Variants in SEMA4D observed in about 807,000 individuals in gnomAD.
SEMA4D encodes semaphorin-4D.
In SEMA4D, 22 loss-of-function variants were observed where a neutral mutation model predicts 74.8. The ratio of observed to expected loss-of-function variants is 0.29; its 90% CI spans 0.21 to 0.42. The LOEUF (loss-of-function observed/expected upper bound fraction) is 0.42, where lower values mean the gene tolerates loss of function less well. SEMA4D is among the 10% of genes least tolerant of loss of function. SEMA4D has a pLI of 1.00. For synonymous variants in SEMA4D, 445 were observed against 463.7 expected (o/e 0.96, Z 0.52); for missense variants, 937 against 1,118.4 (o/e 0.84, Z 2.31).
chr9:89,478,551 T>C (rs928988263), intron 1 of SEMA4D, among the ~76,000 whole-genome samples: 3 of 152,184 alleles, frequency 2.0e-5, no homozygotes, highest in African/African-American at 7.2e-5. Flanking sequence ...TACCAGACAT[T>C]CATCCCTATG....
downstream of SEMA4D, among the ~76,000 whole-genome samples, chr9:89,374,162 A>AG (rs527612537): frequency 3.4e-3 from 518 of 152,292 alleles, 5 homozygotes; most frequent in African/African-American, 0.012. Flanking sequence ...CCACGTGAAA[A>AG]GGGGGTGGCG....
intron 1 of SEMA4D, among the ~76,000 whole-genome samples, chr9:89,463,428 C>G (rs1857825821): frequency 6.6e-6 from 1 of 152,212 alleles, no homozygotes; most frequent in African/African-American, 2.4e-5. Flanking sequence ...AGACAGGGGT[C>G]CATTCCCAGG....
intron 2 of SEMA4D, among the ~76,000 whole-genome samples, chr9:89,406,412 C>T (rs1002017271): frequency 5.3e-5 from 8 of 152,212 alleles, no homozygotes; most frequent in Admixed American, 2.6e-4. Context: ...AAAGAACAGG[C>T]TTAATGCTGC....
Position 89,379,114 on chromosome 9 carries a change from A to T in SEMA4D, c.2179T>A (p.Tyr727Asn). 1 of 1,614,176 alleles carries T rather than the reference A, an allele frequency of 6.2e-7. No homozygotes were observed. Among genetic ancestry groups the T allele is most frequent in the South Asian group, 1.1e-5 (1 of 91,066 alleles). The change falls in exon 16 of 16, where the codon TAT becomes AAT. Residue 727 changes from tyrosine to asparagine, a missense_variant. Transcript: ENST00000422704. Reference protein sequence around the residue: ...VPQLHSEKTMYLKSSDNRLLM... With the variant: ...VPQLHSEKTMNLKSSDNRLLM... ...AGGCGGTTGTCGCTGGACTTAAGAT[A>T]CATGGTTTTCTCCGAGTGGAGCTGG...
chr9:89,400,927 C>T (rs1312760121), intron 4 of SEMA4D, among the ~76,000 whole-genome samples: 1 of 152,206 alleles, frequency 6.6e-6, no homozygotes, highest in African/African-American at 2.4e-5. Context: ...CCCCCAAGAC[C>T]GAGTGTGAGC....
chr9:89,403,183 G>T (rs1842573000), intron 3 of SEMA4D, among the ~76,000 whole-genome samples, 167 bp from the exon 4 acceptor site: 1 of 152,212 alleles, frequency 6.6e-6, no homozygotes, highest in Non-Finnish European at 1.5e-5. Flanking sequence ...CTACAGTGGA[G>T]GTGGCCTCAG....
intron 2 of SEMA4D, among the ~76,000 whole-genome samples, chr9:89,417,360 A>G (rs1273593726): frequency 6.6e-6 from 1 of 152,246 alleles, no homozygotes; most frequent in Non-Finnish European, 1.5e-5. Flanking sequence ...TGCTAATTAA[A>G]GCCGCCCTAT....
At chr9:89,376,941 C>T, downstream of SEMA4D, 1 of 1,550,756 alleles carries the variant, frequency 6.4e-7, no homozygotes, top group Non-Finnish European at 8.7e-7. Context: ...TCGGGCCCCG[C>T]ACCCGAGGCT....
At position 89,378,853 on chromosome 9, in the gene SEMA4D, C is replaced by T. The variant is rs756135411; in HGVS notation, c.2440G>A (p.Gly814Ser). The T allele has an allele frequency of 1.6e-5, 26 of 1,614,070 alleles. No homozygotes were observed. In the South Asian group the frequency reaches 2.1e-4, roughly 13 times the overall value. ...ATGGTGTCTTGCTCGGTCTCATAGC[C>T]GGTGTCCAGGGCTGGCTTGGGGTGC... Reference protein sequence around the residue: ...GEHPKPALDTGYETEQDTITS... With the variant: ...GEHPKPALDTSYETEQDTITS... Residue 814 changes from glycine to serine, a missense_variant, in exon 16 of 16, where the codon GGC becomes AGC. Gly to Ser is a moderately conservative substitution (Grantham distance 56). Transcript: ENST00000422704.
intron 9 of SEMA4D, among the ~76,000 whole-genome samples, chr9:89,389,525 T>G (rs965324046): frequency 6.6e-6 from 1 of 152,236 alleles, no homozygotes; most frequent in Non-Finnish European, 1.5e-5. Flanking sequence ...TGTGTGAACC[T>G]TCCTCCCTTT....
chr9:89,409,658 G>A (rs1022696533), intron 2 of SEMA4D, among the ~76,000 whole-genome samples: 1 of 152,156 alleles, frequency 6.6e-6, no homozygotes, highest in Non-Finnish European at 1.5e-5. Flanking sequence ...AGGGTTCATG[G>A]CCTGGACACA....
intron 2 of SEMA4D, among the ~76,000 whole-genome samples, chr9:89,408,552 T>C (rs906672891): frequency 2.6e-5 from 4 of 152,242 alleles, no homozygotes; most frequent in Non-Finnish European, 5.9e-5. Flanking sequence ...ACAAACATCA[T>C]ACAGCCAGTG....
At chr9:89,406,608 G>A (rs1318449270) in intron 2 of SEMA4D, among the ~76,000 whole-genome samples, 1 of 152,234 alleles carries the variant, frequency 6.6e-6, no homozygotes, top group Non-Finnish European at 1.5e-5. Context: ...GGGGCCAGCT[G>A]CACCCCTGGG....
intron 3 of SEMA4D, 70 bp from the exon 4 acceptor site, chr9:89,403,086 C>T (rs1355755601): frequency 4.3e-5 from 66 of 1,542,266 alleles, no homozygotes; most frequent in Non-Finnish European, 5.7e-5. Flanking sequence ...TAAACCTGAG[C>T]ACATCCTAGG....
chr9:89,480,468 G>A (rs1824506252), intron 1 of SEMA4D, among the ~76,000 whole-genome samples: 5 of 152,270 alleles, frequency 3.3e-5, no homozygotes, highest in Admixed American at 3.3e-4. Flanking sequence ...TGGAGCAGGG[G>A]GTGGCTCTCG....
At chr9:89,414,574 G>A (rs1053302518) in intron 2 of SEMA4D, among the ~76,000 whole-genome samples, 1 of 152,210 alleles carries the variant, frequency 6.6e-6, no homozygotes, top group Non-Finnish European at 1.5e-5. Flanking sequence ...CCCACCTCCA[G>A]TTAGGATGCT....
At position 89,405,637 on chromosome 9, in the gene SEMA4D, G is replaced by A; in HGVS notation, c.-181C>T. On this transcript the variant is annotated 5_prime_UTR_variant, in exon 3 of 16. Transcript: ENST00000422704. ...TTCCCAGTTCTCCAGGTGAGGAGGG[G>A]TCGCTCTCACCACCGCAATGTCAAA... 7.0e-7 allele frequency: 1 copy of A among 1,431,700 alleles called. No individual in the cohort carries two copies. Among genetic ancestry groups the A allele is most frequent in the Non-Finnish European group, 9.1e-7 (1 of 1,096,760 alleles). 88.7% of individuals were successfully genotyped at this position (1,431,700 alleles called of 1,614,324 possible). A position where few individuals can be genotyped will look rare whatever the true frequency, so the allele number is the denominator to read the frequency against.
chr9:89,362,564 G>A (rs1442262474), intron 18 of SEMA4D: 21 of 1,488,086 alleles, frequency 1.4e-5, no homozygotes, highest in Admixed American at 1.7e-5. Flanking sequence ...CCCCTCCTTG[G>A]AGTCTAAAGA....
intron 1 of SEMA4D, among the ~76,000 whole-genome samples, chr9:89,481,675 C>T (rs1456056977): frequency 6.6e-6 from 1 of 152,216 alleles, no homozygotes; most frequent in Non-Finnish European, 1.5e-5. Context: ...TGAGCTCAAG[C>T]CAAATGTCAC....
Sources: allele counts gnomAD v4.1 joint callset (sites outside exome capture counted in the v4.1 genomes callset), GRCh38; gene constraint gnomAD v4.1.1; transcripts MANE v1.5; gene names NCBI Gene and HGNC (gene_info 2026-07-23, HGNC 2026-07-21).